The following CNTN5 variants were observed in gnomAD, a reference collection of about 807,000 sequenced individuals.
CNTN5 encodes contactin 5, also known as contactin-5.
In CNTN5, 77 loss-of-function variants were observed where a neutral mutation model predicts 129.1. That is an observed-to-expected ratio of 0.60 (90% CI 0.50 to 0.72). CNTN5 has a LOEUF of 0.72. Among genes scored for constraint, CNTN5 ranks in the 30% least tolerant of loss-of-function variants. CNTN5 has a pLI of 0.00. For missense variants in CNTN5, 1,478 were observed against 1,328.8 expected (o/e 1.11, Z -1.75); for synonymous variants, 509 against 465.6 (o/e 1.09, Z -1.20).
At chr11:99,248,211 AG>A (rs1459048590) in intron 1 of CNTN5, among the ~76,000 whole-genome samples, 1 of 152,168 alleles carries the variant, frequency 6.6e-6, no homozygotes, top group Non-Finnish European at 1.5e-5. Context: ...TCTGATGGCC[AG>A]TGATGATGAG....
At chr11:99,535,754 C>T (rs746367298) in intron 2 of CNTN5, among the ~76,000 whole-genome samples, 7 of 152,056 alleles carry the variant, frequency 4.6e-5, no homozygotes, top group Non-Finnish European at 1.0e-4. Flanking sequence ...AAAAATGATG[C>T]TTTCTCTTTG....
At chr11:99,372,981 G>T (rs1393357297) in intron 2 of CNTN5, among the ~76,000 whole-genome samples, 1 of 152,178 alleles carries the variant, frequency 6.6e-6, no homozygotes, top group Non-Finnish European at 1.5e-5. Flanking sequence ...GGCCCAGGTG[G>T]GTGGATCACC....
At chr11:100,092,384 A>G (rs1028123533) in intron 13 of CNTN5, among the ~76,000 whole-genome samples, 2 of 152,152 alleles carry the variant, frequency 1.3e-5, no homozygotes, top group African/African-American at 4.8e-5. Flanking sequence ...TCAGAAAAGC[A>G]GTCTTGGAAG....
chr11:99,021,181 G>T lies in CNTN5; in HGVS notation c.-299G>T, dbSNP rs1591057106. 1 of 152,430 alleles carries T rather than the reference G, an allele frequency of 6.6e-6. No homozygotes were observed. Among genetic ancestry groups the T allele is most frequent in the Non-Finnish European group, 1.5e-5 (1 of 68,208 alleles). 9.4% of individuals were successfully genotyped at this position (152,430 alleles called of 1,614,324 possible). ...CAGGCTGCAAAGGACCCGAGGAACCGCTCTCTCTGAACTGTGCTGATGGGC... is the reference window on the plus strand; with the variant it reads ...CAGGCTGCAAAGGACCCGAGGAACCTCTCTCTCTGAACTGTGCTGATGGGC... On this transcript the variant is annotated 5_prime_UTR_variant, in exon 1 of 25. Coordinates refer to ENST00000524871, the MANE Select transcript of CNTN5 (RefSeq NM_014361.4).
intron 2 of CNTN5, among the ~76,000 whole-genome samples, chr11:99,348,416 T>C (rs2136075285): frequency 6.6e-6 from 1 of 152,326 alleles, no homozygotes; most frequent in East Asian, 1.9e-4. Context: ...CTAGAACATA[T>C]TGATAACTCT....
At chr11:99,277,184 C>G (rs1863481409) in intron 1 of CNTN5, among the ~76,000 whole-genome samples, 2 of 151,556 alleles carry the variant, frequency 1.3e-5, no homozygotes, top group African/African-American at 4.8e-5. Context: ...TACAGGTACC[C>G]AGGAGAAGTT....
At chr11:100,211,243 T>G (rs1341107034) in intron 15 of CNTN5, among the ~76,000 whole-genome samples, 1 of 152,134 alleles carries the variant, frequency 6.6e-6, no homozygotes, top group Non-Finnish European at 1.5e-5. Context: ...TTTTGAGGTT[T>G]TGGAACTCAG....
intron 1 of CNTN5, among the ~76,000 whole-genome samples, chr11:99,234,788 G>T (rs1861182023): frequency 6.6e-6 from 1 of 151,998 alleles, no homozygotes; most frequent in Admixed American, 6.6e-5. Context: ...ATAACCTTGT[G>T]CCTAAGAAAC....
At position 100,008,817 on chromosome 11, in the gene CNTN5, G is replaced by C. The variant is rs184758714; in HGVS notation, c.980+6681G>C. Among the ~76,000 whole-genome samples, 763 of 151,944 alleles carry C rather than the reference G, an allele frequency of 5.0e-3. 8 individuals are homozygous for C. Among genetic ancestry groups the C allele is most frequent in the Non-Finnish European group, 8.6e-3 (586 of 67,934 alleles). ...CCTTGACATGATCTAATGAATCTTCGATAAGCCAAATTAGGAAATTTCTTT... is the reference window on the plus strand; with the variant it reads ...CCTTGACATGATCTAATGAATCTTCCATAAGCCAAATTAGGAAATTTCTTT... On this transcript the variant is annotated intron_variant, in intron 9 of 24. Coordinates refer to ENST00000524871, the MANE Select transcript of CNTN5 (RefSeq NM_014361.4).
rs533386316 is a variant in CNTN5, at chr11:99,518,590, T to C, written c.-70-37555T>C. ...AGGTTAATGTTTTACATTGGAAAAG[T>C]GATCGTTCTCCAGGGCAATATGGCA... On this transcript the variant is annotated intron_variant, in intron 2 of 24. Coordinates refer to ENST00000524871, the MANE Select transcript of CNTN5 (RefSeq NM_014361.4). Among the ~76,000 whole-genome samples the C allele has an allele frequency of 7.2e-5, 11 of 152,166 alleles. No individual in the cohort carries two copies. The East Asian group carries it at 1.9e-3, about 27-fold the overall frequency.
Position 99,845,271 on chromosome 11 carries a change from AAT to A in CNTN5, c.577+14_577+15del. The A allele has an allele frequency of 6.3e-7, 1 of 1,588,110 alleles. No homozygotes were observed. The stretch of plus-strand genomic sequence containing the variant: ...TACACTGCAGTTTGCCTGTGAGTAA[AAT>A]ATATGATTTTTCTATATATATGTAT... On this transcript the variant is annotated intron_variant, in intron 6 of 24. Coordinates refer to ENST00000524871, the MANE Select transcript of CNTN5 (RefSeq NM_014361.4).
intron 3 of CNTN5, among the ~76,000 whole-genome samples, chr11:99,802,421 G>T (rs1044925755): frequency 2.0e-5 from 3 of 152,148 alleles, no homozygotes; most frequent in Admixed American, 6.5e-5. Context: ...GTCCCCTAAT[G>T]GCAGGCAAGG....
intron 1 of CNTN5, among the ~76,000 whole-genome samples, chr11:99,275,445 T>C (rs965833659): frequency 1.1e-4 from 16 of 151,620 alleles, no homozygotes; most frequent in African/African-American, 3.9e-4. Context: ...TGATAAAACA[T>C]GCCTAATAAA....
chr11:99,221,361 C>T (rs954982474), intron 1 of CNTN5, among the ~76,000 whole-genome samples: 10 of 151,778 alleles, frequency 6.6e-5, no homozygotes, highest in Non-Finnish European at 1.2e-4. Context: ...AAATTATTTT[C>T]CTTTAAAGTC....
chr11:99,127,540 A>G (rs1306536728), intron 1 of CNTN5, among the ~76,000 whole-genome samples: 9 of 152,138 alleles, frequency 5.9e-5, no homozygotes, highest in Admixed American at 5.2e-4. Flanking sequence ...ACTCCATTGC[A>G]TAAGACAGTC....
chr11:99,115,091 A>T (rs1207790017), intron 1 of CNTN5, among the ~76,000 whole-genome samples: 1 of 152,118 alleles, frequency 6.6e-6, no homozygotes, highest in African/African-American at 2.4e-5. Flanking sequence ...ATCTGCTGAC[A>T]CCTTTAGATT....
intron 2 of CNTN5, among the ~76,000 whole-genome samples, chr11:99,400,606 T>C (rs1319256755): frequency 6.6e-6 from 1 of 152,096 alleles, no homozygotes; most frequent in Non-Finnish European, 1.5e-5. Context: ...AGTGGTGGAA[T>C]TGCTGGGTCA....
chr11:99,754,169 G>A (rs1197823802), intron 3 of CNTN5, among the ~76,000 whole-genome samples: 2 of 152,100 alleles, frequency 1.3e-5, no homozygotes, highest in Admixed American at 6.6e-5. Flanking sequence ...TATCTTCATT[G>A]ATGATTGTCC....
intron 1 of CNTN5, among the ~76,000 whole-genome samples, chr11:99,063,816 A>G (rs1482342109): frequency 1.3e-5 from 2 of 152,138 alleles, no homozygotes; most frequent in Non-Finnish European, 2.9e-5. Flanking sequence ...TTAATTTCAT[A>G]TCTCTCTAGA....
Sources: allele counts gnomAD v4.1 joint callset (sites outside exome capture counted in the v4.1 genomes callset), GRCh38; gene constraint gnomAD v4.1.1; transcripts MANE v1.5; gene names NCBI Gene and HGNC (gene_info 2026-07-23, HGNC 2026-07-21).